The following WASF1 variants were observed in gnomAD, a reference collection of about 807,000 sequenced individuals.
WASF1 encodes actin-binding protein WASF1.
A neutral mutation model predicts 50.5 loss-of-function variants in WASF1; 7 were observed. The observed-to-expected ratio is 0.14, with a 90% CI of 0.08 to 0.26. The LOEUF is 0.26. Among genes scored for constraint, WASF1 ranks in the 10% least tolerant of loss-of-function variants. The pLI, the probability that WASF1 is intolerant of heterozygous loss-of-function variation, is 1.00. For missense variants in WASF1, 470 were observed against 694.7 expected (o/e 0.68, Z 3.64); for synonymous variants, 205 against 244.0 (o/e 0.84, Z 1.49).
Position 110,179,595 on chromosome 6 carries a change from G to A in WASF1, c.-428C>T, listed in dbSNP as rs1190619697. The stretch of plus-strand genomic sequence containing the variant: ...CAGCGGCCCAGGCGCCAGGCCACAG[G>A]GAACGCCGCCTGGGGCGCCAACCCG... On this transcript the variant is annotated 5_prime_UTR_variant, in exon 1 of 11. Transcript: ENST00000392589. 2 of 152,044 alleles carry A rather than the reference G, an allele frequency of 1.3e-5. No individual in the cohort carries two copies. Among genetic ancestry groups the A allele is most frequent in the East Asian group, 3.9e-4 (2 of 5,098 alleles). The allele number at this position is 152,044 out of a possible 1,614,324, so 9.4% of individuals were successfully genotyped here.
In WASF1 at chr6:110,127,474, C is replaced by G. The variant is rs755049730; in HGVS notation, c.128G>C (p.Ser43Thr). 1 of 1,597,516 alleles carries G rather than the reference C, an allele frequency of 6.3e-7. No homozygotes were observed. Among genetic ancestry groups the G allele is most frequent in the East Asian group, 2.3e-5 (1 of 44,368 alleles). The change falls in exon 4 of 11, where the codon AGC becomes ACC. Residue 43 changes from serine to threonine, a missense_variant. Physicochemically the swap from Ser to Thr is moderately conservative, Grantham distance 58 (BLOSUM62 1). Transcript: ENST00000392589. ...TTTAATTGATATATACTTACTTAGG[C>G]TACTTAGTTGTCTAATTATATTTGC... ...SLANIIRQLS[S>T]LSKYAEDIFG...
chr6:110,107,007 G>T, intron 7 of WASF1, 70 bp downstream of exon 7: 1 of 1,075,990 alleles, frequency 9.3e-7, no homozygotes, highest in Admixed American at 2.2e-5. Flanking sequence ...CAAGATTAAT[G>T]AAGTTCAATA....
chr6:110,168,881 T>A (rs1351253321), intron 2 of WASF1, among the ~76,000 whole-genome samples: 1 of 152,090 alleles, frequency 6.6e-6, no homozygotes, highest in South Asian at 2.1e-4. Flanking sequence ...GTTCCTGCAA[T>A]CCTGTCATTC....
chr6:110,136,006 C>T (rs1213034188), intron 3 of WASF1, among the ~76,000 whole-genome samples: 1 of 151,136 alleles, frequency 6.6e-6, no homozygotes, highest in Non-Finnish European at 1.5e-5. Context: ...GCCTCAGCCT[C>T]CCGAGTAGCT....
At chr6:110,116,016 A>G (rs769824627) in intron 4 of WASF1, among the ~76,000 whole-genome samples, 2 of 152,228 alleles carry the variant, frequency 1.3e-5, no homozygotes, top group African/African-American at 4.8e-5. Context: ...AGTGCCTCCA[A>G]ACCAGTACCA....
chr6:110,163,646 T>C (rs1776354134), intron 2 of WASF1, among the ~76,000 whole-genome samples: 2 of 151,578 alleles, frequency 1.3e-5, no homozygotes, highest in Admixed American at 1.3e-4. Flanking sequence ...ATTGTCAAGA[T>C]ACCAGATCTT....
intron 4 of WASF1, among the ~76,000 whole-genome samples, chr6:110,125,817 T>C (rs1251869509): frequency 2.0e-5 from 3 of 152,210 alleles, no homozygotes; most frequent in East Asian, 3.8e-4. Flanking sequence ...TTACAAGGTA[T>C]TTATAATTTT....
Position 110,100,031 on chromosome 6 carries a change from A to G in WASF1, c.*491T>C, listed in dbSNP as rs1411766361. 1 of 152,746 alleles carries G rather than the reference A, an allele frequency of 6.5e-6. No individual in the cohort carries two copies. Among genetic ancestry groups the G allele is most frequent in the Admixed American group, 6.5e-5 (1 of 15,288 alleles). The allele number at this position is 152,746 out of a possible 1,614,324, so 9.5% of individuals were successfully genotyped here. On this transcript the variant is annotated 3_prime_UTR_variant, in exon 11 of 11. Coordinates refer to ENST00000392589, the MANE Select transcript of WASF1 (RefSeq NM_003931.3). The stretch of plus-strand genomic sequence containing the variant: ...AAAAACAATAAAACAATAATGAAAA[A>G]ATTCAAGCATTCCTTTAAGAGAATT...
At chr6:110,127,133 C>T (rs1404150965) in intron 4 of WASF1, among the ~76,000 whole-genome samples, 2 of 152,032 alleles carry the variant, frequency 1.3e-5, no homozygotes, top group East Asian at 3.8e-4. Context: ...TAGTTGAGGC[C>T]TCTAAACAGA....
At chr6:110,162,659 C>T (rs1562188347) in intron 2 of WASF1, among the ~76,000 whole-genome samples, 1 of 151,142 alleles carries the variant, frequency 6.6e-6, no homozygotes, top group African/African-American at 2.4e-5. Context: ...AGAAGAAAAG[C>T]CTGCATGATC....
At position 110,108,519 on chromosome 6, in the gene WASF1, C is replaced by A; in HGVS notation, c.422+9G>T. ...AAATAATAGGGCTACTATTTATTAA[C>A]CTACCTACCTATAAGGAGTGAGTAT... On this transcript the variant is annotated intron_variant, in intron 6 of 10. Coordinates refer to ENST00000392589, the MANE Select transcript of WASF1 (RefSeq NM_003931.3). 6.3e-7 allele frequency: 1 copy of A among 1,599,526 alleles called. No individual in the cohort carries two copies. The highest frequency in any genetic ancestry group is 8.5e-7 in the Non-Finnish European group (1 of 1,172,246).
intron 4 of WASF1, among the ~76,000 whole-genome samples, chr6:110,126,260 A>T (rs1245386294): frequency 3.3e-5 from 5 of 152,144 alleles, no homozygotes; most frequent in African/African-American, 4.8e-5. Flanking sequence ...GAACTCTAAC[A>T]CTTTTTTTAT....
At chr6:110,107,613 C>A (rs946296651) in intron 6 of WASF1, among the ~76,000 whole-genome samples, 2 of 152,118 alleles carry the variant, frequency 1.3e-5, no homozygotes, top group Non-Finnish European at 2.9e-5. Flanking sequence ...CTTACTAAAT[C>A]CAAAAGATAT....
chr6:110,161,212 T>TAAAC, intron 2 of WASF1, among the ~76,000 whole-genome samples: 1 of 151,760 alleles, frequency 6.6e-6, no homozygotes, highest in Admixed American at 6.6e-5. Flanking sequence ...TATAGTCTTT[T>TAAAC]ACTCACGATG....
At chr6:110,123,781 G>C (rs1032429964) in intron 4 of WASF1, among the ~76,000 whole-genome samples, 1 of 152,086 alleles carries the variant, frequency 6.6e-6, no homozygotes, top group Non-Finnish European at 1.5e-5. Flanking sequence ...CCAAATGGAA[G>C]AAAAAGCAGG....
At chr6:110,124,274 CTATATATATATATATATATATA>C (rs35703116) in intron 4 of WASF1, among the ~76,000 whole-genome samples, 1 of 20,516 alleles carries the variant, frequency 4.9e-5, no homozygotes, top group Non-Finnish European at 7.6e-5. Flanking sequence ...CTCTCTCTCT[CTATATATATATATATATATATA>C]TATATATATA....
intron 9 of WASF1, among the ~76,000 whole-genome samples, chr6:110,102,461 C>A (rs1209965143): frequency 1.3e-5 from 2 of 151,884 alleles, no homozygotes; most frequent in African/African-American, 4.8e-5. Context: ...TTCTCTCATG[C>A]AACTTTGGCA....
chr6:110,139,364 G>T (rs144964597), intron 3 of WASF1, among the ~76,000 whole-genome samples: 4 of 152,156 alleles, frequency 2.6e-5, no homozygotes, highest in Non-Finnish European at 5.9e-5. Flanking sequence ...TTGGTAGAGC[G>T]CAGGGCTCCC....
At chr6:110,139,700 A>C (rs763291549) in intron 3 of WASF1, among the ~76,000 whole-genome samples, 2 of 152,154 alleles carry the variant, frequency 1.3e-5, no homozygotes, top group Non-Finnish European at 2.9e-5. Context: ...CTGCTTTAAG[A>C]ATAGAGCAGA....
Sources: allele counts gnomAD v4.1 joint callset (sites outside exome capture counted in the v4.1 genomes callset), GRCh38; gene constraint gnomAD v4.1.1; transcripts MANE v1.5; gene names NCBI Gene and HGNC (gene_info 2026-07-23, HGNC 2026-07-21).